The following AGRN variants were observed in gnomAD, a reference collection of about 807,000 sequenced individuals.
The protein encoded by AGRN is agrin proteoglycan.
In AGRN, 106 loss-of-function variants were observed where a neutral mutation model predicts 211.0. That is an observed-to-expected ratio of 0.50 (90% CI 0.43 to 0.59). The LOEUF is 0.59. Ranked by LOEUF, AGRN falls within the 20% of genes least tolerant of loss-of-function variation. The pLI is 0.00. For missense variants in AGRN, 3,040 were observed against 2,982.6 expected, an observed-to-expected ratio of 1.02 and a Z score of -0.45; for synonymous variants, 1,525 against 1,332.5, an observed-to-expected ratio of 1.14 and a Z score of -3.15.
intron 6 of AGRN, 81 bp from the exon 7 acceptor site, chr1:1,041,875 C>T (rs1326145552): frequency 3.2e-6 from 5 of 1,586,702 alleles, no homozygotes; most frequent in Admixed American, 1.7e-5. Flanking sequence ...GGGCCGCCTG[C>T]TCCCCTGCTC....
At position 1,020,248 on chromosome 1, in the gene AGRN, G is replaced by A. The variant is rs1185534330; in HGVS notation, c.76G>A (p.Gly26Arg). The change falls in exon 1 of 36, where the codon GGA becomes AGA. Residue 26 changes from glycine to arginine, a missense_variant. By Grantham distance (125) the Gly-to-Arg change is moderately radical (BLOSUM62 -2). This residue lies in a region of AGRN where 1,498 missense variants were observed against 1,457.8 expected (regional missense o/e 1.03). Transcript: ENST00000379370. The part of the protein sequence containing the change: ...LLVVAACVLP[G>R]AGGTCPERAL... ...TGTGGTGGCCGCGTGCGTCCTGCCC[G>A]GAGCCGGCGGGACATGCCCGGAGCG... The A allele has an allele frequency of 1.8e-5, 26 of 1,454,162 alleles. No homozygotes were observed. The highest frequency in any genetic ancestry group is 2.9e-5 in the African/African-American group (2 of 67,810). The allele number at this position is 1,454,162 out of a possible 1,614,324, so 90.1% of individuals were successfully genotyped here.
At chr1:1,037,760 C>T (rs1644835358) in intron 3 of AGRN, among the ~76,000 whole-genome samples, 2 of 152,198 alleles carry the variant, frequency 1.3e-5, no homozygotes, top group African/African-American at 4.8e-5. Context: ...TGTGTCTGAG[C>T]CCAGTGCTGG....
Position 1,050,717 on chromosome 1 carries a change from C to T in AGRN, c.5142-9C>T, listed in dbSNP as rs371589437. 1 of 1,600,476 alleles carries T rather than the reference C, an allele frequency of 6.2e-7. No homozygotes were observed. The highest frequency in any genetic ancestry group is 8.5e-7 in the Non-Finnish European group (1 of 1,175,702). ...GACAGAGCCCACTCACGCTGCCCCT[C>T]CTCACCAGGAGCAGGGAGCCAGTCA... On this transcript the variant is annotated splice_polypyrimidine_tract_variant and intron_variant, in intron 29 of 35. Transcript: ENST00000379370.
At chr1:1,051,935 G>A (rs558497382) in intron 33 of AGRN, 120 bp downstream of exon 33, 163 of 1,549,088 alleles carry the variant, frequency 1.1e-4, no homozygotes, top group Admixed American at 9.2e-4. Context: ...CTGTCCTCCC[G>A]CCTCTCTCTC....
Position 1,035,298 on chromosome 1 carries a change from C to T in AGRN, c.485C>T (p.Thr162Ile). 6.2e-7 allele frequency: 1 copy of T among 1,613,120 alleles called. No homozygotes were observed. Among genetic ancestry groups the T allele is most frequent in the Non-Finnish European group, 8.5e-7 (1 of 1,179,990 alleles). Residue 162 changes from threonine (T) to isoleucine (I), a missense_variant, in exon 3 of 36, where the codon ACT (threonine) becomes ATT (isoleucine). Thr to Ile is a moderately conservative substitution (Grantham distance 89, BLOSUM62 -1). This residue lies in a region of AGRN where 1,498 missense variants were observed against 1,457.8 expected (regional missense o/e 1.03). Transcript: ENST00000379370. ...CCAGATAAACCCGGGACCCACTTCA[C>T]TCCAGTGCCTCCGACGCCTCCTGAT... ...CVEDKPGTHF[T>I]PVPPTPPDAC...
chr1:1,055,160 C>T lies in AGRN; in HGVS notation c.*179C>T, dbSNP rs1358902762. 11 of 1,024,766 alleles carry T rather than the reference C, an allele frequency of 1.1e-5. No homozygotes were observed. In the African/African-American group the frequency reaches 1.4e-4, roughly 13 times the overall value. The allele number at this position is 1,024,766 out of a possible 1,614,324, so 63.5% of individuals were successfully genotyped here. A position where few individuals can be genotyped will look rare whatever the true frequency, so the allele number is the denominator to read the frequency against. On this transcript the variant is annotated 3_prime_UTR_variant, in exon 36 of 36. Transcript: ENST00000379370. The stretch of plus-strand genomic sequence containing the variant: ...GCCGAGGGATGGACAGGCGAGGTGG[C>T]AGCGTGGAGGGCTCGGCGTGGATGG...
chr1:1,053,199 G>A, intron 33 of AGRN: 1 of 300,968 alleles, frequency 3.3e-6, no homozygotes, highest in East Asian at 9.3e-5. Context: ...GTGGGTGTCT[G>A]CACGTGGGTG....
At chr1:1,054,592 C>T in intron 35 of AGRN, 41 bp downstream of exon 35, 1 of 1,552,070 alleles carries the variant, frequency 6.4e-7, no homozygotes, top group Non-Finnish European at 8.7e-7. Flanking sequence ...GCCCAAGGGT[C>T]TCATGATATC....
chr1:1,029,061 G>C (rs1381693969), intron 2 of AGRN, among the ~76,000 whole-genome samples: 1 of 108,528 alleles, frequency 9.2e-6, no homozygotes, highest in Non-Finnish European at 2.1e-5. Flanking sequence ...CTCTCCCAAG[G>C]AACCGAGCCC....
chr1:1,032,533 GGTGTGGGCA>G lies in AGRN; in HGVS notation c.464-2740_464-2732del, dbSNP rs1318567010. Among the ~76,000 whole-genome samples, 1 of 152,154 alleles carries G rather than the reference GGTGTGGGCA, an allele frequency of 6.6e-6. No homozygotes were observed. Among genetic ancestry groups the G allele is most frequent in the African/African-American group, 2.4e-5 (1 of 41,418 alleles). On this transcript the variant is annotated intron_variant, in intron 2 of 35. Coordinates refer to ENST00000379370, the MANE Select transcript of AGRN (RefSeq NM_198576.4). The surrounding 1 kb of genome is among the most constrained non-coding windows in gnomAD (Gnocchi z 4.7). ...GCTGGGGGACTCCAGGAAGGCAGCA[GGTGTGGGCA>G]GTGGGTCCTCTGGGGTGGACTGAGG...
Position 1,041,597 on chromosome 1 carries a change from G to A in AGRN, c.1072G>A (p.Gly358Arg). 1 of 1,611,202 alleles carries A rather than the reference G, an allele frequency of 6.2e-7. No homozygotes were observed. The highest frequency in any genetic ancestry group is 8.5e-7 in the Non-Finnish European group (1 of 1,179,338). ...CCCTGCCCGGCAGGCGCCAGTGTGT[G>A]GGGACGACGGAGTCACCTACGAAAA... is the stretch of plus-strand genomic sequence containing the variant. ...SCPARQAPVC[G>R]DDGVTYENDC... The change falls in exon 6 of 36, where the codon GGG (glycine) becomes AGG (arginine). Residue 358 changes from glycine to arginine, a missense_variant. Gly to Arg is a moderately radical substitution (Grantham distance 125). Coordinates refer to ENST00000379370, the MANE Select transcript of AGRN (RefSeq NM_198576.4).
chr1:1,051,464 A>G lies in AGRN; in HGVS notation c.5382A>G (p.Gly1794=). 6.4e-7 allele frequency: 1 copy of G among 1,560,564 alleles called. No homozygotes were observed. Residue 1794 remains glycine, a synonymous_variant, in exon 32 of 36, where the codon GGA becomes GGG. Coordinates refer to ENST00000379370, the MANE Select transcript of AGRN (RefSeq NM_198576.4). ...ACCCTGCCCTGCAGGTCTCCCTCGG[A>G]GGCCGCCAGCTGCTGACCCCGGAGC... ...FDGAIQLVSL[G]GRQLLTPEHV... is the part of the protein sequence containing the mutation.
At position 1,020,176 on chromosome 1, in the gene AGRN, G is replaced by C. The variant is rs1394080131; in HGVS notation, c.4G>C (p.Ala2Pro). Residue 2 changes from alanine to proline, a missense_variant, in exon 1 of 36, where the codon GCC (alanine) becomes CCC (proline). Physicochemically the swap from Ala to Pro is conservative, Grantham distance 27. Transcript: ENST00000379370. The part of the protein sequence containing the change: M[A>P]GRSHPGPLRP... ...TCCGCCGCCTCTCGCCTGCGCCATG[G>C]CCGGCCGGTCCCACCCGGGCCCGCT... 3 of 1,327,810 alleles carry C rather than the reference G, an allele frequency of 2.3e-6. No homozygotes were observed. The highest frequency in any genetic ancestry group is 2.9e-6 in the Non-Finnish European group (3 of 1,038,976). 82.3% of individuals were successfully genotyped at this position (1,327,810 alleles called of 1,614,324 possible). A position where few individuals can be genotyped will look rare whatever the true frequency, so the allele number is the denominator to read the frequency against.
chr1:1,025,898 T>C (rs1278062774), intron 2 of AGRN, among the ~76,000 whole-genome samples: 1 of 152,206 alleles, frequency 6.6e-6, no homozygotes, highest in East Asian at 1.9e-4. Context: ...GGGCTCCTGG[T>C]GGGAAGTCGG....
intron 7 of AGRN, 117 bp downstream of exon 7, chr1:1,042,279 G>T: frequency 7.8e-7 from 1 of 1,276,546 alleles, no homozygotes; most frequent in Non-Finnish European, 1.1e-6. Flanking sequence ...GGAGTGGGCC[G>T]GTCCCTCTGG....
chr1:1,049,135 C>T, intron 24 of AGRN, 76 bp downstream of exon 24: 1 of 901,210 alleles, frequency 1.1e-6, no homozygotes, highest in Non-Finnish European at 1.5e-6. Context: ...GGGGCCGGGG[C>T]AGCTCAGGTG....
rs758248486 is a variant in AGRN, at chr1:1,048,222, G to A, written c.3962G>A (p.Arg1321His). The change falls in exon 23 of 36, where the codon CGT becomes CAT. Residue 1321 changes from arginine to histidine, a missense_variant. Coordinates refer to ENST00000379370, the MANE Select transcript of AGRN (RefSeq NM_198576.4). This position sits in a 1 kb window ranked among gnomAD's most constrained non-coding sequence, Gnocchi z 5.9. ...ACTGCCCCCAGCCGTGTGCCCGGAC[G>A]TCGGCCCCCGGCCCCCCAGCAGCCT... ...PTTAPSRVPG[R>H]RPPAPQQPPK... is the part of the protein sequence containing the mutation. 1.2e-5 allele frequency: 18 copies of A among 1,547,004 alleles called. No homozygotes were observed. The highest frequency in any genetic ancestry group is 2.4e-5 in the South Asian group (2 of 83,900).
chr1:1,042,576 G>C (rs913127197), intron 7 of AGRN, among the ~76,000 whole-genome samples: 1 of 152,166 alleles, frequency 6.6e-6, no homozygotes, highest in African/African-American at 2.4e-5. Flanking sequence ...AGTGGCCGTC[G>C]TGTCCCGTCG....
intron 3 of AGRN, among the ~76,000 whole-genome samples, chr1:1,040,321 GA>G (rs941839847): frequency 2.0e-5 from 3 of 152,196 alleles, no homozygotes; most frequent in Non-Finnish European, 4.4e-5. Flanking sequence ...CTTTTCGCTG[GA>G]GGCCCACGAG....
Sources: gnomAD v4.1 joint callset for allele counts (sites outside exome capture counted in the v4.1 genomes callset) on GRCh38, gnomAD v4.1.1 for gene constraint, gnomAD v4.1.1 regional missense constraint, Gnocchi (gnomAD v3.1) non-coding constraint, MANE v1.5 for transcripts, NCBI Gene and HGNC (gene_info 2026-07-23, HGNC 2026-07-21) for gene names.